Variants in DPYD observed in about 807,000 individuals in gnomAD.
DPYD encodes dihydropyrimidine dehydrogenase, also known as dihydropyrimidine dehydrogenase [NADP(+)].
DPYD carries 109 observed loss-of-function variants against 116.2 expected under a neutral mutation model. That is an observed-to-expected ratio of 0.94 (90% CI 0.80 to 1.10). The LOEUF (loss-of-function observed/expected upper bound fraction) is 1.10. DPYD is among the 50% of genes least tolerant of loss of function. DPYD has a pLI of 0.00. For missense variants in DPYD, 1,302 were observed against 1,254.5 expected (o/e 1.04, Z -0.57); for synonymous variants, 440 against 432.0 (o/e 1.02, Z -0.23).
chr1:97,870,132 A>T (rs1223758725), intron 2 of DPYD, among the ~76,000 whole-genome samples: 2 of 151,910 alleles, frequency 1.3e-5, no homozygotes, highest in Non-Finnish European at 2.9e-5. Flanking sequence ...AGATATTAAC[A>T]TTTTTAGGAT....
intron 19 of DPYD, among the ~76,000 whole-genome samples, chr1:97,216,427 G>A (rs1481499713): frequency 6.6e-6 from 1 of 152,096 alleles, no homozygotes; most frequent in African/African-American, 2.4e-5. Context: ...CATTGATGAC[G>A]TGTTTTTCTT....
chr1:97,434,637 T>G (rs1475116427), intron 14 of DPYD, among the ~76,000 whole-genome samples: 1 of 152,012 alleles, frequency 6.6e-6, no homozygotes, highest in Non-Finnish European at 1.5e-5. Flanking sequence ...CATTAGCACC[T>G]CCACCAAAGG....
At chr1:97,183,528 G>C (rs1005448792) in intron 20 of DPYD, among the ~76,000 whole-genome samples, 1 of 152,064 alleles carries the variant, frequency 6.6e-6, no homozygotes, top group African/African-American at 2.4e-5. Context: ...CTTGAAGGCA[G>C]ATAGTACAAA....
intron 20 of DPYD, among the ~76,000 whole-genome samples, chr1:97,192,088 C>G (rs1260674509): frequency 6.7e-6 from 1 of 148,214 alleles, no homozygotes; most frequent in African/African-American, 2.5e-5. Flanking sequence ...GGACTTGCAA[C>G]CATACACATT....
intron 16 of DPYD, among the ~76,000 whole-genome samples, chr1:97,343,009 C>G (rs752856199): frequency 6.6e-6 from 1 of 152,020 alleles, no homozygotes; most frequent in Non-Finnish European, 1.5e-5. Context: ...AAAAAACACT[C>G]AAAGAAACAA....
intron 3 of DPYD, among the ~76,000 whole-genome samples, chr1:97,821,488 TA>T (rs1449038519): frequency 3.3e-5 from 5 of 152,134 alleles, no homozygotes; most frequent in African/African-American, 1.2e-4. Flanking sequence ...TCAACCAAGA[TA>T]AAGAAAGAAT....
intron 11 of DPYD, among the ~76,000 whole-genome samples, chr1:97,569,487 T>C (rs943890744): frequency 6.7e-6 from 1 of 149,474 alleles, no homozygotes; most frequent in Non-Finnish European, 1.5e-5. Flanking sequence ...ATATACATAT[T>C]TTAAATAAAC....
At chr1:97,377,953 T>C (rs1208698353) in intron 15 of DPYD, among the ~76,000 whole-genome samples, 2 of 152,160 alleles carry the variant, frequency 1.3e-5, no homozygotes, top group Admixed American at 6.5e-5. Flanking sequence ...AGAGCTCAAG[T>C]AGGGTGAGAA....
At chr1:97,444,403 A>G (rs1448977975) in intron 14 of DPYD, among the ~76,000 whole-genome samples, 1 of 152,176 alleles carries the variant, frequency 6.6e-6, no homozygotes, top group Non-Finnish European at 1.5e-5. Flanking sequence ...TGGGAAAAAA[A>G]ATCTCTGCTT....
intron 18 of DPYD, among the ~76,000 whole-genome samples, chr1:97,246,921 A>C (rs1465386405): frequency 6.6e-6 from 1 of 152,138 alleles, no homozygotes; most frequent in Admixed American, 6.6e-5. Context: ...ACTGCCAATA[A>C]AAATATTTCT....
chr1:97,207,139 C>A (rs1280059716), intron 19 of DPYD, among the ~76,000 whole-genome samples: 2 of 151,928 alleles, frequency 1.3e-5, no homozygotes, highest in Non-Finnish European at 2.9e-5. Context: ...ATACATGAAG[C>A]AAAATAAAAA....
intron 16 of DPYD, among the ~76,000 whole-genome samples, chr1:97,358,408 C>T (rs1348366894): frequency 1.3e-5 from 2 of 152,214 alleles, no homozygotes; most frequent in African/African-American, 4.8e-5. Context: ...GAAACTTCTG[C>T]AGACTTAAAC....
At chr1:97,653,658 A>AT (rs1658724828) in intron 8 of DPYD, among the ~76,000 whole-genome samples, 1 of 151,600 alleles carries the variant, frequency 6.6e-6, no homozygotes, top group African/African-American at 2.4e-5. Flanking sequence ...TCTCATGATA[A>AT]TTTTTCTTGT....
chr1:97,618,296 A>C (rs1480266049), intron 8 of DPYD, among the ~76,000 whole-genome samples: 1 of 152,204 alleles, frequency 6.6e-6, no homozygotes, highest in Non-Finnish European at 1.5e-5. Flanking sequence ...AATTGACAAA[A>C]AAAATCACAG....
chr1:97,430,441 CAG>C (rs1040415185), intron 14 of DPYD, among the ~76,000 whole-genome samples: 24 of 152,170 alleles, frequency 1.6e-4, no homozygotes, highest in African/African-American at 5.5e-4. Context: ...TTTAAAAAAA[CAG>C]AAACATTTTA....
intron 11 of DPYD, among the ~76,000 whole-genome samples, chr1:97,571,979 C>T (rs1004739835): frequency 1.3e-5 from 2 of 151,876 alleles, no homozygotes; most frequent in Admixed American, 1.3e-4. Context: ...GCTCCCCTCT[C>T]ACTTGGAGAA....
At chr1:97,169,942 T>G (rs1022119964) in intron 20 of DPYD, among the ~76,000 whole-genome samples, 5 of 152,166 alleles carry the variant, frequency 3.3e-5, no homozygotes, top group Admixed American at 1.3e-4. Flanking sequence ...TATTTATACC[T>G]TGTGACACTC....
chr1:97,166,624 T>A (rs533353680), intron 20 of DPYD, among the ~76,000 whole-genome samples: 1 of 152,272 alleles, frequency 6.6e-6, no homozygotes, highest in South Asian at 2.1e-4. Flanking sequence ...GTCATACAAA[T>A]GGGAAAAATT....
At chr1:97,616,336 G>C (rs1656266778) in intron 8 of DPYD, among the ~76,000 whole-genome samples, 1 of 152,090 alleles carries the variant, frequency 6.6e-6, no homozygotes, top group African/African-American at 2.4e-5. Flanking sequence ...CCACACATAA[G>C]TGAGTAAATC....
Sources: allele counts gnomAD v4.1 joint callset (sites outside exome capture counted in the v4.1 genomes callset), GRCh38; gene constraint gnomAD v4.1.1; transcripts MANE v1.5; gene names NCBI Gene and HGNC (gene_info 2026-07-23, HGNC 2026-07-21).